The following CDH18 variants were observed in gnomAD, a reference collection of about 807,000 sequenced individuals.
CDH18 encodes the protein cadherin-18.
CDH18 carries 31 observed loss-of-function variants against 67.9 expected under a neutral mutation model. The observed-to-expected ratio is 0.46, with a 90% CI of 0.34 to 0.62. CDH18 has a LOEUF of 0.62. Among genes scored for constraint, CDH18 ranks in the 20% least tolerant of loss-of-function variants. The pLI is 0.01. For synonymous variants in CDH18, 362 were observed against 347.2 expected, an observed-to-expected ratio of 1.04 and a Z score of -0.48; for missense variants, 890 against 975.5, an observed-to-expected ratio of 0.91 and a Z score of 1.17.
intron 1 of CDH18, among the ~76,000 whole-genome samples, chr5:20,481,711 C>CA: frequency 6.6e-6 from 1 of 151,580 alleles, no homozygotes; most frequent in South Asian, 2.1e-4. Context: ...ATTAGTGGGT[C>CA]AAAAAAAGTA....
chr5:19,483,216 G>C (rs1579709727), intron 12 of CDH18, 85 bp downstream of exon 12: 1 of 1,344,412 alleles, frequency 7.4e-7, no homozygotes, highest in East Asian at 2.3e-5. Context: ...CCACATTATG[G>C]ATGCCTAATC....
intron 12 of CDH18, among the ~76,000 whole-genome samples, chr5:19,476,820 T>C (rs1323029858): frequency 6.6e-6 from 1 of 152,032 alleles, no homozygotes; most frequent in Non-Finnish European, 1.5e-5. Context: ...CATAGAGGTA[T>C]GGAGGTAATT....
chr5:20,088,649 G>A (rs1444655961), intron 2 of CDH18, among the ~76,000 whole-genome samples: 1 of 152,116 alleles, frequency 6.6e-6, no homozygotes, highest in Non-Finnish European at 1.5e-5. Flanking sequence ...ACTCTGGCCA[G>A]GAGTGGAAGC....
In CDH18 at chr5:20,219,517, C is replaced by CAA. The variant is rs60170962; in HGVS notation, c.-518+35925_-518+35926dup. ...CCTGATACTAAAACTAAAGACATGTCAAAAAAAAAAAAAGAAAAAAACAAA... is the reference window on the plus strand; with the variant it reads ...CCTGATACTAAAACTAAAGACATGTCAAAAAAAAAAAAAAAGAAAAAAACAAA... On this transcript the variant is annotated intron_variant, in intron 2 of 14. Coordinates refer to the CDH18 transcript ENST00000507958. Among the ~76,000 whole-genome samples the CAA allele has an allele frequency of 1.7e-3, 240 of 138,930 alleles. 3 individuals carry two copies. Among genetic ancestry groups the CAA allele is most frequent in the African/African-American group, 5.5e-3 (213 of 38,706 alleles). 91.1% of individuals were successfully genotyped at this position (138,930 alleles called of 152,430 possible).
chr5:20,201,834 CAAG>C (rs1231609090), intron 2 of CDH18, among the ~76,000 whole-genome samples: 1 of 152,076 alleles, frequency 6.6e-6, no homozygotes, highest in Non-Finnish European at 1.5e-5. Flanking sequence ...ATAAGATAAT[CAAG>C]GAGTGTTTGG....
intron 5 of CDH18, among the ~76,000 whole-genome samples, chr5:19,613,106 C>T (rs1219891405): frequency 6.6e-6 from 1 of 152,126 alleles, no homozygotes; most frequent in East Asian, 1.9e-4. Flanking sequence ...GATCACGCCA[C>T]TGCACTCCAG....
At chr5:19,545,325 T>C (rs970819138) in intron 8 of CDH18, among the ~76,000 whole-genome samples, 1 of 152,162 alleles carries the variant, frequency 6.6e-6, no homozygotes, top group Non-Finnish European at 1.5e-5. Context: ...TATGTCAATG[T>C]GGCTATGGAG....
intron 1 of CDH18, among the ~76,000 whole-genome samples, chr5:20,452,795 A>G (rs1313185937): frequency 1.3e-5 from 2 of 152,084 alleles, no homozygotes; most frequent in African/African-American, 4.8e-5. Flanking sequence ...ATAGTAAAAT[A>G]TCTAGTAACT....
intron 1 of CDH18, among the ~76,000 whole-genome samples, chr5:20,276,218 G>T (rs1260593799): frequency 6.6e-6 from 1 of 152,200 alleles, no homozygotes; most frequent in Non-Finnish European, 1.5e-5. Flanking sequence ...GACCAAGTGA[G>T]TACTTGTGCC....
At position 20,021,323 on chromosome 5, in the gene CDH18, T is replaced by C. The variant is rs1369148999; in HGVS notation, c.-517-29309A>G. The stretch of plus-strand genomic sequence containing the variant: ...GTTAATGCTGAAATGAGTTAAGACT[T>C]GGGGGACTGTTGAGAGAGGAAGATT... On this transcript the variant is annotated intron_variant, in intron 2 of 14. Transcript: ENST00000507958. Among the ~76,000 whole-genome samples, 7 of 152,208 alleles carry C rather than the reference T, an allele frequency of 4.6e-5. No homozygotes were observed. In the East Asian group the frequency reaches 9.7e-4, roughly 21 times the overall value.
At chr5:19,788,198 G>A (rs1776013742) in intron 3 of CDH18, among the ~76,000 whole-genome samples, 1 of 152,110 alleles carries the variant, frequency 6.6e-6, no homozygotes, top group Non-Finnish European at 1.5e-5. Flanking sequence ...GCTGAGAACT[G>A]GTAATTAAGC....
chr5:19,636,080 G>T (rs1010052721), intron 5 of CDH18, among the ~76,000 whole-genome samples: 2 of 152,016 alleles, frequency 1.3e-5, no homozygotes, highest in East Asian at 3.9e-4. Context: ...CAGTTATTAA[G>T]TTAAAAAGCC....
intron 1 of CDH18, among the ~76,000 whole-genome samples, chr5:20,282,049 T>C (rs1052772896): frequency 2.6e-5 from 4 of 152,150 alleles, no homozygotes; most frequent in African/African-American, 9.7e-5. Context: ...CTTGTGATTT[T>C]TGCACATTGA....
At chr5:19,666,809 T>C (rs1156947036) in intron 5 of CDH18, among the ~76,000 whole-genome samples, 1 of 151,976 alleles carries the variant, frequency 6.6e-6, no homozygotes, top group Non-Finnish European at 1.5e-5. Context: ...AACTGGGAAA[T>C]AGAATTGAGA....
At chr5:20,376,832 C>T (rs1743485551) in intron 1 of CDH18, among the ~76,000 whole-genome samples, 1 of 151,970 alleles carries the variant, frequency 6.6e-6, no homozygotes, top group Non-Finnish European at 1.5e-5. Context: ...TCCTGGCCAA[C>T]ATGGTGAAAC....
chr5:19,968,430 T>C (rs968674907), intron 2 of CDH18, among the ~76,000 whole-genome samples: 2 of 152,154 alleles, frequency 1.3e-5, no homozygotes, highest in Non-Finnish European at 2.9e-5. Flanking sequence ...TCACGCTACC[T>C]GACTTCAAAC....
chr5:20,057,452 T>C (rs1451216025), intron 2 of CDH18, among the ~76,000 whole-genome samples: 1 of 152,204 alleles, frequency 6.6e-6, no homozygotes, highest in African/African-American at 2.4e-5. Context: ...ACATCCTCTT[T>C]ATTAACTTAA....
intron 1 of CDH18, among the ~76,000 whole-genome samples, chr5:20,291,855 C>T (rs1354368212): frequency 6.6e-6 from 1 of 152,192 alleles, no homozygotes; most frequent in Non-Finnish European, 1.5e-5. Flanking sequence ...ATTTACTTTA[C>T]CATAGAGAAA....
At position 20,427,992 on chromosome 5, in the gene CDH18, T is replaced by C. The variant is rs545943878; in HGVS notation, c.-580+147470A>G. 5.3e-5 allele frequency among the ~76,000 whole-genome samples: 8 copies of C among 151,136 alleles called. No individual in the cohort carries two copies. The South Asian group carries it at 1.5e-3, about 27-fold the overall frequency. On this transcript the variant is annotated intron_variant, in intron 1 of 14. Coordinates refer to the CDH18 transcript ENST00000507958. ...GTGCAGAACGTGCAGGTTTGTTACA[T>C]AGGTATACAAGTGCCATGGTGGTTT...
Sources: allele counts gnomAD v4.1 joint callset (sites outside exome capture counted in the v4.1 genomes callset), GRCh38; gene constraint gnomAD v4.1.1; transcripts MANE v1.5; gene names NCBI Gene and HGNC (gene_info 2026-07-23, HGNC 2026-07-21).